Variants in ANK3 observed in about 807,000 individuals in gnomAD.
ANK3 encodes the protein ankyrin-3.
ANK3 carries 57 observed loss-of-function variants against 370.9 expected under a neutral mutation model. The ratio of observed to expected loss-of-function variants is 0.15; its 90% confidence interval spans 0.12 to 0.19. ANK3 has a LOEUF of 0.19. ANK3 is among the 10% of genes least tolerant of loss of function. The pLI, the probability that ANK3 is intolerant of heterozygous loss-of-function variation, is 1.00. For missense variants in ANK3, 4,439 were observed against 5,302.1 expected, an observed-to-expected ratio of 0.84 and a Z score of 5.06; for synonymous variants, 1,929 against 1,946.3, an observed-to-expected ratio of 0.99 and a Z score of 0.23.
rs1265855840 is a variant in ANK3, at chr10:60,085,645, C to T, written c.3749-392G>A. 1.0e-4 allele frequency among the ~76,000 whole-genome samples: 14 copies of T among 136,120 alleles called. No individual in the cohort carries two copies. In the East Asian group the frequency reaches 1.3e-3, roughly 13 times the overall value. 89.3% of individuals were successfully genotyped at this position (136,120 alleles called of 152,430 possible). ...TTTTTTTTTTTTTGAGACGGAGTCTCGCTCTTGTTGCCAAGACTGGAGTGC... is the reference window on the plus strand; with the variant it reads ...TTTTTTTTTTTTTGAGACGGAGTCTTGCTCTTGTTGCCAAGACTGGAGTGC... On this transcript the variant is annotated intron_variant, in intron 30 of 43. Transcript: ENST00000280772.
intron 1 of ANK3, among the ~76,000 whole-genome samples, chr10:60,679,071 G>A (rs2079161456): frequency 6.6e-6 from 1 of 152,192 alleles, no homozygotes; most frequent in African/African-American, 2.4e-5. Context: ...CTGGTGAATA[G>A]TTAAAACATG....
intron 1 of ANK3, among the ~76,000 whole-genome samples, chr10:60,673,988 G>A (rs1376625861): frequency 6.6e-6 from 1 of 152,110 alleles, no homozygotes; most frequent in East Asian, 1.9e-4. Context: ...GTTCACCAGG[G>A]TAGGAAGCAG....
intron 1 of ANK3, among the ~76,000 whole-genome samples, chr10:60,668,427 A>C (rs1216224096): frequency 2.6e-5 from 4 of 151,316 alleles, no homozygotes; most frequent in Non-Finnish European, 5.9e-5. Context: ...AGGCCATCCG[A>C]CTCATGGTTA....
At chr10:60,229,757 A>C (rs2097212743) in intron 8 of ANK3, among the ~76,000 whole-genome samples, 1 of 152,224 alleles carries the variant, frequency 6.6e-6, no homozygotes, top group South Asian at 2.1e-4. Flanking sequence ...GTTTTGACAA[A>C]TGTAATATTA....
At chr10:60,343,276 A>AT (rs375507115) in intron 1 of ANK3, among the ~76,000 whole-genome samples, 198 of 152,344 alleles carry the variant, frequency 1.3e-3, no homozygotes, top group African/African-American at 4.5e-3. Flanking sequence ...TGCATTCAGC[A>AT]TAACAAATAA....
chr10:60,269,856 A>G lies in ANK3; in HGVS notation c.513+275T>C, dbSNP rs114747662. ...CCTATAAGCCAAAATTGTAAGAGACAGAAAAGAATTCTCAAGCAAATACGT... is the reference window on the plus strand; with the variant it reads ...CCTATAAGCCAAAATTGTAAGAGACGGAAAAGAATTCTCAAGCAAATACGT... On this transcript the variant is annotated intron_variant, in intron 5 of 43. Transcript: ENST00000280772. 7.5e-3 allele frequency among the ~76,000 whole-genome samples: 1,140 copies of G among 152,316 alleles called. 16 individuals are homozygous for G. Among genetic ancestry groups the G allele is most frequent in the African/African-American group, 0.026 (1,095 of 41,562 alleles).
intron 2 of ANK3, among the ~76,000 whole-genome samples, chr10:60,581,790 G>A (rs139286591): frequency 6.6e-4 from 100 of 152,080 alleles, no homozygotes; most frequent in African/African-American, 2.3e-3. Context: ...TGAGTTGTTG[G>A]AATATATTTT....
At chr10:60,213,712 T>C (rs151117842) in intron 8 of ANK3, among the ~76,000 whole-genome samples, 65 of 152,344 alleles carry the variant, frequency 4.3e-4, no homozygotes, top group African/African-American at 1.4e-3. Context: ...GCAAAGTATG[T>C]AATTTCCCAC....
intron 2 of ANK3, among the ~76,000 whole-genome samples, chr10:60,420,966 T>C (rs1418717049): frequency 6.6e-6 from 1 of 152,074 alleles, no homozygotes; most frequent in East Asian, 1.9e-4. Context: ...GTTCATCAGA[T>C]GAATGGATAA....
In ANK3 at chr10:60,279,046, T is replaced by G; in HGVS notation, c.315+4A>C. The G allele has an allele frequency of 1.2e-6, 2 of 1,613,640 alleles. No individual in the cohort carries two copies. Among genetic ancestry groups the G allele is most frequent in the Non-Finnish European group, 1.7e-6 (2 of 1,179,660 alleles). On this transcript the variant is annotated splice_donor_region_variant and intron_variant, in intron 3 of 43. Transcript: ENST00000280772. ...TCAAAAAGCATTAAATATGTGATAC[T>G]GACCTTTGTAGCTGCATCCACATTG...
intron 2 of ANK3, among the ~76,000 whole-genome samples, chr10:60,583,069 T>C (rs1314616112): frequency 6.6e-6 from 1 of 152,196 alleles, no homozygotes; most frequent in African/African-American, 2.4e-5. Flanking sequence ...TCCTAGCTCA[T>C]TGCAGCACTA....
intron 2 of ANK3, among the ~76,000 whole-genome samples, chr10:60,601,315 G>GA (rs75118223): frequency 2.3e-3 from 336 of 144,356 alleles, no homozygotes; most frequent in African/African-American, 7.7e-3. Flanking sequence ...TGGAAAGAGA[G>GA]AAAAAAAAAA....
intron 1 of ANK3, among the ~76,000 whole-genome samples, chr10:60,321,318 C>T (rs75395282): frequency 6.6e-6 from 1 of 150,746 alleles, no homozygotes; most frequent in Admixed American, 6.6e-5. Context: ...AACTTGGCCG[C>T]TCAAGGCTAC....
chr10:60,465,921 T>C (rs1019812346), intron 2 of ANK3, among the ~76,000 whole-genome samples: 1 of 151,984 alleles, frequency 6.6e-6, no homozygotes, highest in Admixed American at 6.6e-5. Context: ...TAAGTAGAGC[T>C]GGAACTACCC....
intron 2 of ANK3, among the ~76,000 whole-genome samples, chr10:60,458,875 A>G (rs2064815221): frequency 6.6e-6 from 1 of 152,152 alleles, no homozygotes; most frequent in South Asian, 2.1e-4. Flanking sequence ...TACTTACGCT[A>G]TTCAGACCTA....
intron 18 of ANK3, among the ~76,000 whole-genome samples, chr10:60,176,420 C>T: frequency 6.6e-6 from 1 of 150,810 alleles, no homozygotes; most frequent in East Asian, 2.0e-4. Context: ...AAGAAATTGT[C>T]ATTTCTAACT....
At chr10:60,157,872 GAGAGAGAGAGAAAA>G (rs1175896135) in intron 23 of ANK3, among the ~76,000 whole-genome samples, 38 of 127,986 alleles carry the variant, frequency 3.0e-4, no homozygotes, top group African/African-American at 1.0e-3. Flanking sequence ...GAGAGACAGA[GAGAGAGAGAGAAAA>G]AGAGAGAGAG....
chr10:60,096,011 T>C (rs887514839), intron 28 of ANK3, among the ~76,000 whole-genome samples: 33 of 151,954 alleles, frequency 2.2e-4, no homozygotes, highest in Non-Finnish European at 1.9e-4. Flanking sequence ...CTGTCTCTAC[T>C]AAAAATACAA....
In ANK3 at chr10:60,074,816, G is replaced by A; in HGVS notation, c.6065C>T (p.Ala2022Val). The change falls in exon 37 of 44, where the codon GCC becomes GTC. Residue 2022 changes from alanine (A) to valine (V), a missense_variant. Physicochemically the swap from Ala to Val is moderately conservative, Grantham distance 64 (BLOSUM62 0). Coordinates refer to ENST00000280772, the MANE Select transcript of ANK3 (RefSeq NM_020987.5). ...CAAGTTATAATCCTTTTCGGAGGCG[G>A]CTTTTGCTTTTACTTGCACTCTCTC... ...LPERVQVKAK[A>V]ASEKDYNLTK... The A allele has an allele frequency of 1.2e-6, 2 of 1,613,758 alleles. No individual in the cohort carries two copies. The highest frequency in any genetic ancestry group is 1.7e-6 in the Non-Finnish European group (2 of 1,179,932).
Sources: gnomAD v4.1 joint callset for allele counts (sites outside exome capture counted in the v4.1 genomes callset) on GRCh38, gnomAD v4.1.1 for gene constraint, MANE v1.5 for transcripts, NCBI Gene and HGNC (gene_info 2026-07-23, HGNC 2026-07-21) for gene names.